Variants in PALLD observed in about 807,000 individuals in gnomAD.
The protein encoded by PALLD is palladin.
In PALLD, 61 loss-of-function variants were observed where a neutral mutation model predicts 123.5. The observed-to-expected ratio is 0.49, with a 90% CI of 0.40 to 0.61. The LOEUF is 0.61. Among genes scored for constraint, PALLD ranks in the 20% least tolerant of loss-of-function variants. The pLI is 0.00. For synonymous variants in PALLD, 465 were observed against 496.4 expected (o/e 0.94, Z 0.84); for missense variants, 1,273 against 1,377.0 (o/e 0.92, Z 1.20).
intron 10 of PALLD, among the ~76,000 whole-genome samples, chr4:168,725,568 C>G (rs1465478787): frequency 2.1e-5 from 3 of 139,970 alleles, no homozygotes; most frequent in Non-Finnish European, 4.5e-5. Context: ...GCTCTGTTGC[C>G]CAGGCTGGAG....
intron 10 of PALLD, among the ~76,000 whole-genome samples, chr4:168,718,094 C>T (rs911538639): frequency 5.9e-5 from 9 of 152,194 alleles, no homozygotes; most frequent in Admixed American, 1.3e-4. Context: ...TACTCCCTTC[C>T]TGTCCTGTTT....
At chr4:168,882,964 C>A (rs1752817709) in intron 10 of PALLD, among the ~76,000 whole-genome samples, 1 of 152,010 alleles carries the variant, frequency 6.6e-6, no homozygotes, top group South Asian at 2.1e-4. Context: ...GTGGTGTGCA[C>A]CTGTAGTCCC....
At chr4:168,595,434 T>G (rs1771883057) in intron 2 of PALLD, among the ~76,000 whole-genome samples, 1 of 152,176 alleles carries the variant, frequency 6.6e-6, no homozygotes, top group South Asian at 2.1e-4. Context: ...TTTCTTGTAC[T>G]AGTTCACATC....
At chr4:168,580,926 C>A (rs563752710) in intron 2 of PALLD, among the ~76,000 whole-genome samples, 18 of 151,124 alleles carry the variant, frequency 1.2e-4, no homozygotes, top group South Asian at 1.0e-3. Flanking sequence ...AAAATGAGAA[C>A]ATGTGGACAG....
At chr4:168,796,626 A>G (rs1304542968) in intron 10 of PALLD, among the ~76,000 whole-genome samples, 1 of 152,186 alleles carries the variant, frequency 6.6e-6, no homozygotes, top group Non-Finnish European at 1.5e-5. Context: ...TGAGATGAAA[A>G]CCACTGGTGG....
At chr4:168,854,188 ATT>A in intron 10 of PALLD, among the ~76,000 whole-genome samples, 1 of 140,300 alleles carries the variant, frequency 7.1e-6, no homozygotes, top group South Asian at 2.2e-4. Flanking sequence ...TCATTCATTC[ATT>A]CATGGATGGT....
chr4:168,849,565 A>G (rs1243999548), intron 10 of PALLD, among the ~76,000 whole-genome samples: 1 of 152,334 alleles, frequency 6.6e-6, no homozygotes, highest in African/African-American at 2.4e-5. Flanking sequence ...TCTCGACTAG[A>G]CTTTGAGACC....
rs187711467 is a variant in PALLD, at chr4:168,579,667, A to C, written c.908+67255A>C. Among the ~76,000 whole-genome samples the C allele has an allele frequency of 1.1e-4, 16 of 152,242 alleles. No individual in the cohort carries two copies. The East Asian group carries it at 2.9e-3, about 28-fold the overall frequency. ...TGTGAAGATGACTCTTCGGTAGCTTAACGGGGCATTGTTTTTTATTACATA... is the reference window on the plus strand; with the variant it reads ...TGTGAAGATGACTCTTCGGTAGCTTCACGGGGCATTGTTTTTTATTACATA... On this transcript the variant is annotated intron_variant, in intron 2 of 21. Coordinates refer to ENST00000505667, the MANE Select transcript of PALLD (RefSeq NM_001166108.2).
intron 21 of PALLD, 150 bp from the exon 22 acceptor site, chr4:168,926,063 G>A (rs1762529803): frequency 3.3e-6 from 2 of 608,036 alleles, no homozygotes; most frequent in South Asian, 5.7e-5. Flanking sequence ...TGAGTAAAAT[G>A]CAAAAGTGTT....
At chr4:168,698,414 T>C (rs1007938269) in intron 8 of PALLD, among the ~76,000 whole-genome samples, 6 of 152,246 alleles carry the variant, frequency 3.9e-5, no homozygotes, top group African/African-American at 1.4e-4. Context: ...ATAAATATTA[T>C]AGGGGACAGA....
Position 168,668,662 on chromosome 4 carries a change from A to G in PALLD, c.1087+294A>G, listed in dbSNP as rs542571471. Among the ~76,000 whole-genome samples, 18 of 152,348 alleles carry G rather than the reference A, an allele frequency of 1.2e-4. No homozygotes were observed. The South Asian group carries it at 2.7e-3, about 23-fold the overall frequency. On this transcript the variant is annotated intron_variant, in intron 3 of 21. Coordinates refer to ENST00000505667, the MANE Select transcript of PALLD (RefSeq NM_001166108.2). ...ATTTTTGTCTTTCTCTAGTAAATGA[A>G]GCATAGAAACACAATTGAAATACCA...
intron 10 of PALLD, among the ~76,000 whole-genome samples, chr4:168,872,382 C>A (rs1158026161): frequency 2.0e-5 from 3 of 152,196 alleles, no homozygotes; most frequent in African/African-American, 7.2e-5. Flanking sequence ...TCAGTTCTGG[C>A]TTTGTTTGGA....
chr4:168,820,945 TG>T (rs1742628553), intron 10 of PALLD, among the ~76,000 whole-genome samples: 1 of 152,184 alleles, frequency 6.6e-6, no homozygotes, highest in Admixed American at 6.5e-5. Flanking sequence ...ATTTATTAAG[TG>T]AGGATCGCAA....
At chr4:168,746,396 A>G (rs1730321145) in intron 10 of PALLD, among the ~76,000 whole-genome samples, 1 of 149,476 alleles carries the variant, frequency 6.7e-6, no homozygotes. Flanking sequence ...AAAAAAAAAA[A>G]AAAAAAAAAA....
chr4:168,693,967 GT>G (rs1449006696), intron 8 of PALLD, among the ~76,000 whole-genome samples: 2 of 152,196 alleles, frequency 1.3e-5, no homozygotes, highest in Admixed American at 1.3e-4. Context: ...ACAAGCAAAT[GT>G]TACAGTGTAT....
At chr4:168,568,937 AGT>A (rs1028303603) in intron 2 of PALLD, among the ~76,000 whole-genome samples, 33 of 151,966 alleles carry the variant, frequency 2.2e-4, no homozygotes, top group African/African-American at 7.7e-4. Context: ...AAAACATTTA[AGT>A]GTGATCTTTT....
At chr4:168,791,078 G>T (rs1168541119) in intron 10 of PALLD, among the ~76,000 whole-genome samples, 2 of 152,070 alleles carry the variant, frequency 1.3e-5, no homozygotes, top group Non-Finnish European at 2.9e-5. Flanking sequence ...AAGACCACAG[G>T]AATGATGCCC....
chr4:168,625,514 T>TATATATATATATATATAC (rs1775173664), intron 2 of PALLD, among the ~76,000 whole-genome samples: 2 of 46,148 alleles, frequency 4.3e-5, no homozygotes, highest in South Asian at 2.4e-3. Context: ...TATATATATA[T>TATATATATATATATATAC]ATATCCTATA....
intron 2 of PALLD, among the ~76,000 whole-genome samples, chr4:168,520,734 T>C (rs1268113821): frequency 6.6e-6 from 1 of 152,236 alleles, no homozygotes; most frequent in African/African-American, 2.4e-5. Context: ...AGCTGCCTTA[T>C]TACCTCTTCT....
Sources: gnomAD v4.1 joint callset for allele counts (sites outside exome capture counted in the v4.1 genomes callset) on GRCh38, gnomAD v4.1.1 for gene constraint, MANE v1.5 for transcripts, NCBI Gene and HGNC (gene_info 2026-07-23, HGNC 2026-07-21) for gene names.